Variants in TYW1 observed in about 807,000 individuals in gnomAD.
TYW1 encodes S-adenosyl-L-methionine-dependent tRNA 4-demethylwyosine synthase TYW1.
A neutral mutation model predicts 96.2 loss-of-function variants in TYW1; 46 were observed. That is an observed-to-expected ratio of 0.48 (90% CI 0.38 to 0.61). TYW1 has a LOEUF of 0.61. TYW1 is among the 20% of genes least tolerant of loss of function. The pLI, the probability that TYW1 is intolerant of heterozygous loss-of-function variation, is 0.00. For missense variants in TYW1, 684 were observed against 909.6 expected, an observed-to-expected ratio of 0.75 and a Z score of 3.19; for synonymous variants, 274 against 323.0, an observed-to-expected ratio of 0.85 and a Z score of 1.63.
At chr7:67,129,901 A>G (rs1218415889) in intron 13 of TYW1, among the ~76,000 whole-genome samples, 1 of 152,194 alleles carries the variant, frequency 6.6e-6, no homozygotes, top group Non-Finnish European at 1.5e-5. Context: ...GATATAACTT[A>G]GCATTCATTT....
chr7:67,156,864 T>G (rs1436341290), intron 13 of TYW1, among the ~76,000 whole-genome samples: 1 of 151,336 alleles, frequency 6.6e-6, no homozygotes. Context: ...CCAGAAAGCC[T>G]CCTGTACCAG....
In TYW1 at chr7:67,035,561, C is replaced by T. The variant is rs540176494; in HGVS notation, c.984+10539C>T. On this transcript the variant is annotated intron_variant, in intron 7 of 15. Coordinates refer to ENST00000359626, the MANE Select transcript of TYW1 (RefSeq NM_018264.4). ...TCAGGTTGATAATTTGCTAGAAAAACGCACAGAGCTCCCTGAAAGCTTTTA... is the reference window on the plus strand; with the variant it reads ...TCAGGTTGATAATTTGCTAGAAAAATGCACAGAGCTCCCTGAAAGCTTTTA... 1.8e-4 allele frequency among the ~76,000 whole-genome samples: 27 copies of T among 152,228 alleles called. No individual in the cohort carries two copies. The South Asian group carries it at 1.9e-3, about 11-fold the overall frequency.
intron 11 of TYW1, among the ~76,000 whole-genome samples, chr7:67,092,596 C>T (rs566958510): frequency 3.3e-5 from 5 of 152,054 alleles, no homozygotes; most frequent in Admixed American, 2.0e-4. Flanking sequence ...GACAGGTCAG[C>T]CTGCCTCTTT....
chr7:67,114,257 A>G (rs1213892596), intron 12 of TYW1: 6 of 154,248 alleles, frequency 3.9e-5, no homozygotes, highest in Non-Finnish European at 8.8e-5. Flanking sequence ...TTTTATCCCA[A>G]GGAGGAGCTT....
chr7:67,101,111 C>T (rs1428311287), intron 12 of TYW1, among the ~76,000 whole-genome samples: 1 of 152,048 alleles, frequency 6.6e-6, no homozygotes, highest in Non-Finnish European at 1.5e-5. Context: ...TTTCTGCAGC[C>T]GCAGGCATAC....
At chr7:67,161,762 A>G (rs1281597047) in intron 13 of TYW1, among the ~76,000 whole-genome samples, 2 of 151,992 alleles carry the variant, frequency 1.3e-5, no homozygotes, top group African/African-American at 4.8e-5. Flanking sequence ...TGTTAGTATA[A>G]TAAGTGTGGT....
At chr7:67,133,322 C>T (rs1221997833) in intron 13 of TYW1, among the ~76,000 whole-genome samples, 4 of 151,780 alleles carry the variant, frequency 2.6e-5, no homozygotes, top group Non-Finnish European at 4.4e-5. Context: ...GATTCTTTAA[C>T]TTGTACAGAT....
At chr7:67,092,218 T>TG (rs1389573237) in intron 11 of TYW1, among the ~76,000 whole-genome samples, 1 of 152,100 alleles carries the variant, frequency 6.6e-6, no homozygotes, top group East Asian at 1.9e-4. Flanking sequence ...TAGAGCCAGC[T>TG]GATTGACTTT....
At chr7:66,999,773 CT>C (rs997981011) in intron 3 of TYW1, among the ~76,000 whole-genome samples, 1 of 152,166 alleles carries the variant, frequency 6.6e-6, no homozygotes, top group African/African-American at 2.4e-5. Context: ...CCCATTCTCT[CT>C]CTTTTTTGCG....
At chr7:67,192,802 A>G (rs1800262622) in intron 14 of TYW1, among the ~76,000 whole-genome samples, 1 of 152,218 alleles carries the variant, frequency 6.6e-6, no homozygotes, top group African/African-American at 2.4e-5. Flanking sequence ...ACTAATAAAG[A>G]GACACTGAGT....
chr7:67,168,769 T>A (rs10257949), intron 13 of TYW1, among the ~76,000 whole-genome samples: 42,531 of 151,846 alleles, frequency 0.28, 6,453 homozygotes, highest in African/African-American at 0.4. Context: ...TGGAGTGCAG[T>A]GTTGCGATCT....
At chr7:67,004,330 T>C (rs1364111077) in intron 3 of TYW1, among the ~76,000 whole-genome samples, 5 of 152,136 alleles carry the variant, frequency 3.3e-5, no homozygotes, top group Non-Finnish European at 5.9e-5. Flanking sequence ...AGATCCCTCC[T>C]GAATAGATGA....
intron 10 of TYW1, among the ~76,000 whole-genome samples, chr7:67,077,726 T>C (rs1796248327): frequency 6.6e-6 from 1 of 152,226 alleles, no homozygotes; most frequent in South Asian, 2.1e-4. Context: ...TCCTTTGCAG[T>C]GCAGCAGCTT....
intron 7 of TYW1, among the ~76,000 whole-genome samples, chr7:67,029,433 A>ACATATATATATAC (rs1554348917): frequency 6.9e-6 from 1 of 145,020 alleles, no homozygotes; most frequent in African/African-American, 2.5e-5. Flanking sequence ...ATATATATAT[A>ACATATATATATAC]AATAGTATTT....
intron 13 of TYW1, among the ~76,000 whole-genome samples, chr7:67,154,279 A>G (rs754266247): frequency 6.6e-6 from 1 of 152,182 alleles, no homozygotes; most frequent in Non-Finnish European, 1.5e-5. Flanking sequence ...ACAGTTGAGC[A>G]TACTTTTATT....
At chr7:67,198,597 A>C (rs549759371) in intron 15 of TYW1, among the ~76,000 whole-genome samples, 3 of 152,018 alleles carry the variant, frequency 2.0e-5, no homozygotes, top group Non-Finnish European at 4.4e-5. Context: ...ATTTTTATAT[A>C]AAGTAAATAT....
At chr7:67,066,857 CAAAG>C (rs1419116427) in intron 9 of TYW1, among the ~76,000 whole-genome samples, 3 of 152,182 alleles carry the variant, frequency 2.0e-5, no homozygotes, top group Non-Finnish European at 4.4e-5. Flanking sequence ...CAAAACAAAA[CAAAG>C]GAACAACACT....
At chr7:67,172,129 CTG>C (rs1232960933) in intron 13 of TYW1, among the ~76,000 whole-genome samples, 1 of 151,820 alleles carries the variant, frequency 6.6e-6, no homozygotes, top group Non-Finnish European at 1.5e-5. Context: ...CCCTTTTCAG[CTG>C]TCTTTTTCTC....
At chr7:67,041,115 C>T (rs773250273) in intron 7 of TYW1, among the ~76,000 whole-genome samples, 16 of 152,014 alleles carry the variant, frequency 1.1e-4, no homozygotes, top group African/African-American at 9.7e-5. Flanking sequence ...GGGAAAAATA[C>T]GTGTTTTTTC....
Sources: gnomAD v4.1 joint callset for allele counts (sites outside exome capture counted in the v4.1 genomes callset) on GRCh38, gnomAD v4.1.1 for gene constraint, MANE v1.5 for transcripts, NCBI Gene and HGNC (gene_info 2026-07-23, HGNC 2026-07-21) for gene names.